BLM: variants seen among roughly 807,000 people sequenced by gnomAD.
BLM encodes BLM RecQ like helicase, also known as recQ-like DNA helicase BLM.
In BLM, 95 loss-of-function variants were observed where a neutral mutation model predicts 135.3. The ratio of observed to expected loss-of-function variants is 0.70; its 90% CI spans 0.59 to 0.83. The LOEUF is 0.83. Among genes scored for constraint, BLM ranks in the 40% least tolerant of loss-of-function variants. The pLI is 0.00. For missense variants in BLM, 1,518 were observed against 1,663.9 expected (o/e 0.91, Z 1.53); for synonymous variants, 520 against 589.2 (o/e 0.88, Z 1.70).
chr15:90,799,797 T>A (rs1461269990), intron 17 of BLM, among the ~76,000 whole-genome samples: 1 of 151,946 alleles, frequency 6.6e-6, no homozygotes, highest in Admixed American at 6.6e-5. Flanking sequence ...AAAAGACAGA[T>A]TTAGTCATGT....
In BLM at chr15:90,774,279, C is replaced by A. The variant is rs113300152; in HGVS notation, c.2555+4693C>A. 8.1e-3 allele frequency among the ~76,000 whole-genome samples: 1,216 copies of A among 150,674 alleles called. 22 individuals are homozygous for A. Among genetic ancestry groups the A allele is most frequent in the African/African-American group, 0.027 (1,120 of 41,150 alleles). ...TAGAGATGGGGTTTCACCATGTTGG[C>A]CAGGCTGTTCTCAAACTCCTGACCT... is the stretch of plus-strand genomic sequence containing the variant. On this transcript the variant is annotated intron_variant, in intron 12 of 21. Coordinates refer to ENST00000355112, the MANE Select transcript of BLM (RefSeq NM_000057.4).
chr15:90,728,464 T>G (rs1460471798), intron 1 of BLM, among the ~76,000 whole-genome samples: 1 of 152,208 alleles, frequency 6.6e-6, no homozygotes, highest in Admixed American at 6.5e-5. Context: ...TGGCGTGATC[T>G]CAGCTCACCG....
chr15:90,801,470 A>G (rs1567061702), intron 17 of BLM, among the ~76,000 whole-genome samples: 1 of 152,236 alleles, frequency 6.6e-6, no homozygotes, highest in South Asian at 2.1e-4. Flanking sequence ...AGTGGTCAGA[A>G]GTTCTATTGA....
intron 1 of BLM, among the ~76,000 whole-genome samples, chr15:90,727,213 T>C (rs962293044): frequency 1.3e-5 from 2 of 152,122 alleles, no homozygotes; most frequent in Admixed American, 6.6e-5. Context: ...GGAGTCTTGC[T>C]GTGTTGCCCA....
intron 1 of BLM, among the ~76,000 whole-genome samples, chr15:90,718,088 A>G (rs1251734447): frequency 2.0e-5 from 3 of 152,152 alleles, no homozygotes; most frequent in Non-Finnish European, 4.4e-5. Flanking sequence ...GGTCTCTTCT[A>G]CTTCCTGGCG....
chr15:90,732,528 C>A (rs1895094389), intron 1 of BLM, among the ~76,000 whole-genome samples: 1 of 143,752 alleles, frequency 7.0e-6, no homozygotes, highest in Non-Finnish European at 1.5e-5. Context: ...GTAAGGAAAA[C>A]AGAAACTGAA....
At chr15:90,777,297 G>A (rs182363711) in intron 12 of BLM, among the ~76,000 whole-genome samples, 3 of 152,086 alleles carry the variant, frequency 2.0e-5, no homozygotes, top group Admixed American at 6.6e-5. Context: ...GATTACAGGC[G>A]CCCGCCACCA....
intron 21 of BLM, among the ~76,000 whole-genome samples, chr15:90,814,284 G>T (rs1016477147): frequency 8.5e-5 from 13 of 152,198 alleles, no homozygotes; most frequent in African/African-American, 2.7e-4. Context: ...AGCAGGAAAG[G>T]CTTCTGCGGG....
At chr15:90,813,042 C>T (rs1437164188) in intron 21 of BLM, among the ~76,000 whole-genome samples, 5 of 152,130 alleles carry the variant, frequency 3.3e-5, no homozygotes, top group African/African-American at 1.2e-4. Flanking sequence ...GAAGAGGAAG[C>T]TTAGGCCTGG....
intron 21 of BLM, among the ~76,000 whole-genome samples, chr15:90,813,510 C>T (rs551566492): frequency 6.6e-6 from 1 of 152,306 alleles, no homozygotes; most frequent in South Asian, 2.1e-4. Flanking sequence ...TCTCCTGCCT[C>T]AGCCTCCCAA....
chr15:90,723,470 A>G (rs1894823660), intron 1 of BLM, among the ~76,000 whole-genome samples: 1 of 151,796 alleles, frequency 6.6e-6, no homozygotes, highest in African/African-American at 2.4e-5. Context: ...TCTGGCAACA[A>G]TGGGAGACTT....
Position 90,764,230 on chromosome 15 carries a change from G to T in BLM, c.2075-1066G>T, listed in dbSNP as rs927995833. Among the ~76,000 whole-genome samples the T allele has an allele frequency of 9.5e-5, 14 of 147,414 alleles. No homozygotes were observed. In the South Asian group the frequency reaches 1.3e-3, roughly 13 times the overall value. On this transcript the variant is annotated intron_variant, in intron 8 of 21. Coordinates refer to ENST00000355112, the MANE Select transcript of BLM (RefSeq NM_000057.4). ...CAATTTCAACCACTTGTGAGAGAGA[G>T]ATATATATAATATATAATTATATAT... is the stretch of plus-strand genomic sequence containing the variant.
chr15:90,769,509 G>A lies in BLM; in HGVS notation c.2478G>A (p.Val826=). Residue 826 remains valine, a synonymous_variant, in exon 12 of 22, where the codon GTG becomes GTA. Coordinates refer to ENST00000355112, the MANE Select transcript of BLM (RefSeq NM_000057.4). ...GCCAGAAGTTTCCTTCTGTTCCGGTGATGGCTCTTACGGCCACAGCTAATC... is the reference window on the plus strand; with the variant it reads ...GCCAGAAGTTTCCTTCTGTTCCGGTAATGGCTCTTACGGCCACAGCTAATC... ...MLRQKFPSVP[V]MALTATANPR... The A allele has an allele frequency of 1.2e-6, 2 of 1,613,920 alleles. No individual in the cohort carries two copies. Among genetic ancestry groups the A allele is most frequent in the Non-Finnish European group, 1.7e-6 (2 of 1,179,854 alleles).
At chr15:90,730,513 A>C (rs1357295637) in intron 1 of BLM, among the ~76,000 whole-genome samples, 2 of 149,782 alleles carry the variant, frequency 1.3e-5, no homozygotes, top group African/African-American at 4.9e-5. Context: ...GCAGTGGCGC[A>C]ATCTTGGCCC....
intron 1 of BLM, among the ~76,000 whole-genome samples, chr15:90,718,219 C>T (rs1254405231): frequency 1.3e-5 from 2 of 152,174 alleles, no homozygotes; most frequent in South Asian, 4.1e-4. Flanking sequence ...AAATTGTCCC[C>T]ATTTTAGACA....
In BLM at chr15:90,726,830, G is replaced by A. The variant is rs555949037; in HGVS notation, c.-5+9390G>A. Reference sequence around the variant, plus strand: ...ACTATAATTTTTTTATTCATTCATCGCTTGTTGAACACCTTGGTTGATTCC... The same window carrying A: ...ACTATAATTTTTTTATTCATTCATCACTTGTTGAACACCTTGGTTGATTCC... On this transcript the variant is annotated intron_variant, in intron 1 of 21. Transcript: ENST00000355112. Among the ~76,000 whole-genome samples the A allele has an allele frequency of 1.4e-3, 214 of 152,038 alleles. 1 individual carries two copies. The highest frequency in any genetic ancestry group is 4.7e-3 in the African/African-American group (195 of 41,462).
intron 1 of BLM, among the ~76,000 whole-genome samples, chr15:90,724,396 C>T (rs138472943): frequency 6.6e-5 from 10 of 152,124 alleles, no homozygotes; most frequent in Non-Finnish European, 1.0e-4. Flanking sequence ...CTACTCTGTA[C>T]CCATATAATA....
chr15:90,753,602 T>A (rs1895743901), intron 4 of BLM, among the ~76,000 whole-genome samples: 1 of 152,264 alleles, frequency 6.6e-6, no homozygotes, highest in African/African-American at 2.4e-5. Flanking sequence ...GTATATATTA[T>A]AAAACTGAAA....
At chr15:90,797,228 A>G (rs1334539513) in intron 16 of BLM, among the ~76,000 whole-genome samples, 1 of 152,172 alleles carries the variant, frequency 6.6e-6, no homozygotes, top group South Asian at 2.1e-4. Flanking sequence ...AGCCTGGCCA[A>G]CGTGGTGAAA....
Sources: allele counts gnomAD v4.1 joint callset (sites outside exome capture counted in the v4.1 genomes callset), GRCh38; gene constraint gnomAD v4.1.1; transcripts MANE v1.5; gene names NCBI Gene and HGNC (gene_info 2026-07-23, HGNC 2026-07-21).